The following THRB variants were observed in gnomAD, a reference collection of about 807,000 sequenced individuals.
The protein encoded by THRB is thyroid hormone receptor beta, also known as nuclear receptor subfamily 1 group A member 2.
THRB carries 12 observed loss-of-function variants against 47.8 expected under a neutral mutation model. The observed-to-expected ratio is 0.25, with a 90% CI of 0.16 to 0.41. THRB has a LOEUF of 0.41. THRB is among the 10% of genes least tolerant of loss of function. The pLI is 1.00. For synonymous variants in THRB, 218 were observed against 212.2 expected (o/e 1.03, Z -0.24); for missense variants, 348 against 589.2 (o/e 0.59, Z 4.24).
rs2031911921 is a variant in THRB at position 24,122,710 on chromosome 3, T to C, written c.*174A>G. On this transcript the variant is annotated 3_prime_UTR_variant, in exon 11 of 11. Coordinates refer to ENST00000646209, the MANE Select transcript of THRB (RefSeq NM_001354712.2). Reference sequence around the variant, plus strand: ...GACCGGAGAACGAAATGCAATAGTTTCAAGTACCCGCATTCAAGGGGCAAT... The same window carrying C: ...GACCGGAGAACGAAATGCAATAGTTCCAAGTACCCGCATTCAAGGGGCAAT... The C allele has an allele frequency of 1.2e-6, 1 of 824,964 alleles. No individual in the cohort carries two copies. Among genetic ancestry groups the C allele is most frequent in the Non-Finnish European group, 1.9e-6 (1 of 518,690 alleles). 51.1% of individuals were successfully genotyped at this position (824,964 alleles called of 1,614,324 possible).
chr3:24,487,282 G>C (rs1209319520), intron 1 of THRB, among the ~76,000 whole-genome samples: 1 of 151,930 alleles, frequency 6.6e-6, no homozygotes, highest in Non-Finnish European at 1.5e-5. Flanking sequence ...GTGTGATATA[G>C]TGAACTGTTC....
intron 1 of THRB, among the ~76,000 whole-genome samples, chr3:24,353,477 T>C (rs2063487269): frequency 6.6e-6 from 1 of 152,130 alleles, no homozygotes; most frequent in African/African-American, 2.4e-5. Context: ...GACAATTCAC[T>C]GTGAATTAGC....
intron 3 of THRB, among the ~76,000 whole-genome samples, chr3:24,260,032 A>T (rs2051788054): frequency 6.6e-6 from 1 of 152,136 alleles, no homozygotes. Context: ...AAGAAACCCC[A>T]TACCTTTCAG....
At chr3:24,309,595 T>C (rs867594224) in intron 2 of THRB, among the ~76,000 whole-genome samples, 6 of 152,334 alleles carry the variant, frequency 3.9e-5, no homozygotes, top group Middle Eastern at 6.8e-3. Context: ...AATCAATACA[T>C]AAAAATGAAT....
At chr3:24,136,577 T>C (rs2034705958) in intron 8 of THRB, among the ~76,000 whole-genome samples, 1 of 152,266 alleles carries the variant, frequency 6.6e-6, no homozygotes, top group Non-Finnish European at 1.5e-5. Flanking sequence ...TTAGATATCT[T>C]ATTATAGCTA....
At chr3:24,411,706 G>C (rs1260541591) in intron 1 of THRB, among the ~76,000 whole-genome samples, 1 of 151,656 alleles carries the variant, frequency 6.6e-6, no homozygotes, top group Non-Finnish European at 1.5e-5. Context: ...ACATTTTTTG[G>C]TTGTCACACT....
At chr3:24,450,581 C>T (rs993132814) in intron 1 of THRB, among the ~76,000 whole-genome samples, 3 of 152,178 alleles carry the variant, frequency 2.0e-5, no homozygotes, top group Admixed American at 6.5e-5. Context: ...AACCTTTGTA[C>T]TTACTGTTCC....
At chr3:24,216,594 C>T (rs967472536) in intron 4 of THRB, among the ~76,000 whole-genome samples, 10 of 150,538 alleles carry the variant, frequency 6.6e-5, no homozygotes, top group Non-Finnish European at 1.0e-4. Context: ...GGTGACAGAG[C>T]GAGACTCCGC....
At position 24,306,743 on chromosome 3, in the gene THRB, G is replaced by A. The variant is rs188636955; in HGVS notation, c.-188-9372C>T. Among the ~76,000 whole-genome samples, 1,479 of 152,196 alleles carry A rather than the reference G, an allele frequency of 9.7e-3. 18 individuals carry two copies. Among genetic ancestry groups the A allele is most frequent in the Non-Finnish European group, 0.011 (739 of 68,016 alleles). On this transcript the variant is annotated intron_variant, in intron 2 of 10. Coordinates refer to ENST00000646209, the MANE Select transcript of THRB (RefSeq NM_001354712.2). The stretch of plus-strand genomic sequence containing the variant: ...AAAGTCTTTGAATTGGCACATTACT[G>A]TACCTTGCAGAATGTGATACACAAC...
chr3:24,299,249 T>TAAAAAAAA (rs36061929), intron 2 of THRB, among the ~76,000 whole-genome samples: 14 of 70,176 alleles, frequency 2.0e-4, no homozygotes, highest in African/African-American at 8.1e-4. Context: ...CTCAGTCTCA[T>TAAAAAAAA]AAAAAAAAAA....
chr3:24,183,679 CTTTTTTT>C (rs35441182), intron 5 of THRB, among the ~76,000 whole-genome samples: 30 of 137,072 alleles, frequency 2.2e-4, no homozygotes, highest in Non-Finnish European at 3.8e-4. Flanking sequence ...GGCCTTTCAT[CTTTTTTT>C]TTTTTTTTTT....
At chr3:24,228,092 T>C (rs2047857597) in intron 4 of THRB, among the ~76,000 whole-genome samples, 1 of 152,210 alleles carries the variant, frequency 6.6e-6, no homozygotes, top group Non-Finnish European at 1.5e-5. Context: ...TTCTTGTCAG[T>C]GATTGCTTAG....
intron 1 of THRB, among the ~76,000 whole-genome samples, chr3:24,352,591 C>T (rs775040297): frequency 3.3e-5 from 5 of 152,242 alleles, no homozygotes; most frequent in Non-Finnish European, 7.4e-5. Context: ...AATTTCAAAC[C>T]GGGGTGGTTG....
intron 2 of THRB, among the ~76,000 whole-genome samples, chr3:24,318,084 G>T (rs1351518736): frequency 6.6e-6 from 1 of 151,658 alleles, no homozygotes; most frequent in Non-Finnish European, 1.5e-5. Flanking sequence ...GGAAGGAAGG[G>T]GCCTAATTTC....
At chr3:24,298,025 T>C (rs954890003) in intron 2 of THRB, among the ~76,000 whole-genome samples, 1 of 152,204 alleles carries the variant, frequency 6.6e-6, no homozygotes, top group African/African-American at 2.4e-5. Context: ...AACTCTTAGG[T>C]CAGTTTGATT....
At chr3:24,165,159 G>T in intron 5 of THRB, 1 of 764,972 alleles carries the variant, frequency 1.3e-6, no homozygotes, top group African/African-American at 1.7e-5. Flanking sequence ...ATGTTTCCAG[G>T]GTAACTACAG....
chr3:24,328,990 A>G (rs2061750907), intron 2 of THRB, among the ~76,000 whole-genome samples: 2 of 151,686 alleles, frequency 1.3e-5, no homozygotes, highest in South Asian at 4.2e-4. Context: ...TCTGTCACCC[A>G]GGCTGGAGTG....
intron 1 of THRB, among the ~76,000 whole-genome samples, chr3:24,421,744 T>C (rs73041705): frequency 0.25 from 38,112 of 151,858 alleles, 5,368 homozygotes; most frequent in East Asian, 0.36. Context: ...CAACATAAAA[T>C]GATGATGATG....
At chr3:24,126,362 CAG>C (rs368659231) in intron 10 of THRB, among the ~76,000 whole-genome samples, 19 of 152,042 alleles carry the variant, frequency 1.2e-4, no homozygotes, top group African/African-American at 4.1e-4. Context: ...GCCTGGGCAA[CAG>C]AGCAAGACCG....
Sources: gnomAD v4.1 joint callset for allele counts (sites outside exome capture counted in the v4.1 genomes callset) on GRCh38, gnomAD v4.1.1 for gene constraint, MANE v1.5 for transcripts, NCBI Gene and HGNC (gene_info 2026-07-23, HGNC 2026-07-21) for gene names.